B3GNT7: variants seen among roughly 807,000 people sequenced by gnomAD.
B3GNT7 encodes UDP-GlcNAc:betaGal beta-1,3-N-acetylglucosaminyltransferase 7, also known as BGnT-7.
A neutral mutation model predicts 5.1 loss-of-function variants in B3GNT7; 9 were observed. The observed-to-expected ratio is 1.77, with a 90% CI of 1.07 to 3.09. B3GNT7 has a LOEUF of 3.09. B3GNT7 is among the 30% of genes most tolerant of loss of function. B3GNT7 has a pLI of 0.00. For missense variants in B3GNT7, 468 were observed against 550.8 expected (o/e 0.85, Z 1.50); for synonymous variants, 253 against 248.6 (o/e 1.02, Z -0.17).
rs376356258 is a variant in B3GNT7, at chr2:231,398,709, G to A, written c.990G>A (p.Leu330=). ...TCTACCCGATCGACGACGTCTTTCT[G>A]GGCATGTGCCTGGAGGTGCTGGGCG... is the stretch of plus-strand genomic sequence containing the variant. ...LELYPIDDVF[L]GMCLEVLGVQ... Residue 330 remains leucine, a synonymous_variant, in exon 2 of 2, where the codon CTG becomes CTA. Coordinates refer to ENST00000287590, the MANE Select transcript of B3GNT7 (RefSeq NM_145236.3). 3.2e-5 allele frequency: 52 copies of A among 1,611,668 alleles called. No individual in the cohort carries two copies. Among genetic ancestry groups the A allele is most frequent in the African/African-American group, 5.3e-5 (4 of 74,940 alleles).
chr2:231,395,894 G>T lies in B3GNT7; in HGVS notation c.11+80G>T. The T allele has an allele frequency of 1.0e-6, 1 of 999,490 alleles. No individual in the cohort carries two copies. The highest frequency in any genetic ancestry group is 1.7e-5 in the African/African-American group (1 of 57,684). 61.9% of individuals were successfully genotyped at this position (999,490 alleles called of 1,614,324 possible). The stretch of plus-strand genomic sequence containing the variant: ...CCCCCTCCTCCGTGGCCACAGACGG[G>T]CGCCGGGACTCCCGGGATAGGAGAT... On this transcript the variant is annotated intron_variant, in intron 1 of 1. Transcript: ENST00000287590. This position sits in a 1 kb window ranked among gnomAD's most constrained non-coding sequence, Gnocchi z 7.3.
Position 231,397,371 on chromosome 2 carries a change from C to T in B3GNT7, c.12-360C>T, listed in dbSNP as rs2046524010. ...TGAGGCCCTCCTGTTAAGGTGACAG[C>T]ATTCCCCTAACTGTGCACCCGCTGC... On this transcript the variant is annotated intron_variant, in intron 1 of 1. Coordinates refer to ENST00000287590, the MANE Select transcript of B3GNT7 (RefSeq NM_145236.3). The T allele has an allele frequency of 9.6e-6, 5 of 518,606 alleles. No homozygotes were observed. In the South Asian group the frequency reaches 4.0e-4, roughly 42 times the overall value. The allele number at this position is 518,606 out of a possible 1,614,324, so 32.1% of individuals were successfully genotyped here.
intron 1 of B3GNT7, among the ~76,000 whole-genome samples, chr2:231,396,571 G>C (rs2046516344): frequency 6.6e-6 from 1 of 152,236 alleles, no homozygotes; most frequent in African/African-American, 2.4e-5. Context: ...GCCTGGACCT[G>C]CAACCGGACC....
At position 231,398,811 on chromosome 2, in the gene B3GNT7, G is replaced by A. The variant is rs768254739; in HGVS notation, c.1092G>A (p.Pro364=). 9.3e-6 allele frequency: 15 copies of A among 1,605,044 alleles called. No homozygotes were observed. Among genetic ancestry groups the A allele is most frequent in the African/African-American group, 1.3e-5 (1 of 74,944 alleles). ...RNRNSRMNKE[P]CFFRAMLVVH... is the part of the protein sequence containing the mutation. ...GCAACAGCCGCATGAACAAGGAGCC[G>A]TGCTTTTTCCGCGCCATGCTCGTGG... Residue 364 remains proline, a synonymous_variant, in exon 2 of 2, where the codon CCG becomes CCA. Transcript: ENST00000287590.
At position 231,398,743 on chromosome 2, in the gene B3GNT7, ACGGC is replaced by A; in HGVS notation, c.1026_1029del (p.Ala343ThrfsTer17). 2 of 1,610,582 alleles carry A rather than the reference ACGGC, an allele frequency of 1.2e-6. No homozygotes were observed. The highest frequency in any genetic ancestry group is 1.7e-6 in the Non-Finnish European group (2 of 1,179,844). ...CCTGGAGGTGCTGGGCGTGCAGCCC[ACGGC>A]CCACGAGGGCTTCAAGACTTTCGGC... On this transcript the variant is annotated frameshift_variant, in exon 2 of 2. Transcript: ENST00000287590. LOFTEE classifies it high-confidence loss of function.
rs753518546 is a variant in B3GNT7 at position 231,398,550 on chromosome 2, G to T, written c.831G>T (p.Arg277Ser). The T allele has an allele frequency of 3.7e-6, 6 of 1,613,288 alleles. 1 individual carries two copies. The African/African-American group carries it at 8.0e-5, about 22-fold the overall frequency. The change falls in exon 2 of 2, where the codon AGG (arginine) becomes AGT (serine). Residue 277 changes from arginine (R) to serine (S), a missense_variant. Physicochemically the swap from Arg to Ser is moderately radical, Grantham distance 110. Transcript: ENST00000287590. ...TGCAGCACGCTCGGCCCATTCGCAGGAAAGACAACAAATACTACATCCCGG... is the reference window on the plus strand; with the variant it reads ...TGCAGCACGCTCGGCCCATTCGCAGTAAAGACAACAAATACTACATCCCGG... Reference protein sequence around the residue: ...DVLQHARPIRRKDNKYYIPGA... With the variant: ...DVLQHARPIRSKDNKYYIPGA...
chr2:231,396,253 G>C (rs2046513080), intron 1 of B3GNT7, among the ~76,000 whole-genome samples: 1 of 152,100 alleles, frequency 6.6e-6, no homozygotes, highest in African/African-American at 2.4e-5. Flanking sequence ...CGCCCCTCCC[G>C]GGCTTTCCCT....
intron 1 of B3GNT7, among the ~76,000 whole-genome samples, chr2:231,396,302 C>A (rs1418471113): frequency 6.6e-6 from 1 of 152,124 alleles, no homozygotes; most frequent in East Asian, 1.9e-4. Flanking sequence ...CGCCCGCAGC[C>A]CAGGGCCTCG....
chr2:231,398,877 G>C lies in B3GNT7; in HGVS notation c.1158G>C (p.Gly386=). The C allele has an allele frequency of 6.3e-7, 1 of 1,596,232 alleles. No homozygotes were observed. Among genetic ancestry groups the C allele is most frequent in the South Asian group, 1.1e-5 (1 of 90,406 alleles). The change falls in exon 2 of 2, where the codon GGG becomes GGC. Residue 386 remains glycine, a synonymous_variant. Transcript: ENST00000287590. ...CCCCTGAGCTGCTCGCCATGTGGGG[G>C]CTGGTGCACAGCAATCTCACCTGCT... ...LLPPELLAMW[G]LVHSNLTCSR...
rs2046506926 is a variant in B3GNT7, at chr2:231,395,757, C to T, written c.-47C>T. ...TCCCGCCGGCCCGAGCCGTGGCGCCCAGAGCTGCGAGCCGCTCGCCCCTCC... is the reference window on the plus strand; with the variant it reads ...TCCCGCCGGCCCGAGCCGTGGCGCCTAGAGCTGCGAGCCGCTCGCCCCTCC... On this transcript the variant is annotated 5_prime_UTR_variant, in exon 1 of 2. Transcript: ENST00000287590. This position sits in a 1 kb window ranked among gnomAD's most constrained non-coding sequence, Gnocchi z 7.3. 6.0e-6 allele frequency: 7 copies of T among 1,170,628 alleles called. No homozygotes were observed. The highest frequency in any genetic ancestry group is 1.6e-5 in the African/African-American group (1 of 61,692). The allele number at this position is 1,170,628 out of a possible 1,614,324, so 72.5% of individuals were successfully genotyped here.
Position 231,400,329 on chromosome 2 carries a change from A to G in B3GNT7, c.*1404A>G, listed in dbSNP as rs761108367. The stretch of plus-strand genomic sequence containing the variant: ...AAACCTGGGAGCTAGCAATGCACCC[A>G]GCCCTTGACTGTGCCCTGGTGGACA... On this transcript the variant is annotated 3_prime_UTR_variant, in exon 2 of 2. Transcript: ENST00000287590. 6.6e-6 allele frequency: 1 copy of G among 152,196 alleles called. No homozygotes were observed. Among genetic ancestry groups the G allele is most frequent in the South Asian group, 2.1e-4 (1 of 4,830 alleles). The allele number at this position is 152,196 out of a possible 1,614,324, so 9.4% of individuals were successfully genotyped here.
In B3GNT7 at chr2:231,395,787, C is replaced by A. The variant is rs1373930742; in HGVS notation, c.-17C>A. The A allele has an allele frequency of 2.6e-6, 3 of 1,171,980 alleles. No individual in the cohort carries two copies. Among genetic ancestry groups the A allele is most frequent in the Non-Finnish European group, 3.2e-6 (3 of 950,382 alleles). The allele number at this position is 1,171,980 out of a possible 1,614,324, so 72.6% of individuals were successfully genotyped here. A position where few individuals can be genotyped will look rare whatever the true frequency, so the allele number is the denominator to read the frequency against. ...CTGCGAGCCGCTCGCCCCTCCGCCG[C>A]TCCGGCCCGGGCCGCCATGTCGCTG... On this transcript the variant is annotated 5_prime_UTR_variant, in exon 1 of 2. Transcript: ENST00000287590. This position sits in a 1 kb window ranked among gnomAD's most constrained non-coding sequence, Gnocchi z 7.3.
Position 231,398,322 on chromosome 2 carries a change from C to A in B3GNT7, c.603C>A (p.Gly201=). Residue 201 remains glycine, a synonymous_variant, in exon 2 of 2, where the codon GGC becomes GGA. Transcript: ENST00000287590. ...TGGCCTACGAAGACCGCCTCTACGG[C>A]GACATCCTGCAGTGGGGCTTTCTCG... ...QLLAYEDRLY[G]DILQWGFLDT... 1 of 1,613,444 alleles carries A rather than the reference C, an allele frequency of 6.2e-7. No individual in the cohort carries two copies.
At position 231,395,767 on chromosome 2, in the gene B3GNT7, A is replaced by C; in HGVS notation, c.-37A>C. ...CCGAGCCGTGGCGCCCAGAGCTGCG[A>C]GCCGCTCGCCCCTCCGCCGCTCCGG... On this transcript the variant is annotated 5_prime_UTR_variant, in exon 1 of 2. Transcript: ENST00000287590. The surrounding 1 kb of genome is among the most constrained non-coding windows in gnomAD (Gnocchi z 7.3). 1 of 1,170,132 alleles carries C rather than the reference A, an allele frequency of 8.5e-7. No homozygotes were observed. The highest frequency in any genetic ancestry group is 1.1e-6 in the Non-Finnish European group (1 of 949,054). 72.5% of individuals were successfully genotyped at this position (1,170,132 alleles called of 1,614,324 possible).
chr2:231,397,449 G>A (rs2046524685), intron 1 of B3GNT7, among the ~76,000 whole-genome samples: 1 of 152,188 alleles, frequency 6.6e-6, no homozygotes, highest in Non-Finnish European at 1.5e-5. Flanking sequence ...TTTGGGGGAA[G>A]AAGAAATCGT....
In B3GNT7 at chr2:231,397,939, A is replaced by T; in HGVS notation, c.220A>T (p.Met74Leu). ...GAAAGATGTGGCTGCGCCCACGCCC[A>T]TGGCCTCTCAGGGGCCCCAGGCCTG... ...NPKDVAAPTP[M>L]ASQGPQAWDV... is the part of the protein sequence containing the mutation. Residue 74 changes from methionine (M) to leucine (L), a missense_variant, in exon 2 of 2, where the codon ATG (methionine) becomes TTG (leucine). Transcript: ENST00000287590. 1 of 1,613,176 alleles carries T rather than the reference A, an allele frequency of 6.2e-7. No individual in the cohort carries two copies. The highest frequency in any genetic ancestry group is 1.1e-5 in the South Asian group (1 of 91,086).
At position 231,398,755 on chromosome 2, in the gene B3GNT7, G is replaced by T; in HGVS notation, c.1036G>T (p.Gly346Cys). The change falls in exon 2 of 2, where the codon GGC becomes TGC. Residue 346 changes from glycine to cysteine, a missense_variant. Gly to Cys is a radical substitution (Grantham distance 159). Transcript: ENST00000287590. ...VLGVQPTAHEGFKTFGISRNR... is the reference protein window; with the variant it reads ...VLGVQPTAHECFKTFGISRNR... ...GGGCGTGCAGCCCACGGCCCACGAGGGCTTCAAGACTTTCGGCATCTCCCG... is the reference window on the plus strand; with the variant it reads ...GGGCGTGCAGCCCACGGCCCACGAGTGCTTCAAGACTTTCGGCATCTCCCG... 6.2e-7 allele frequency: 1 copy of T among 1,609,904 alleles called. No individual in the cohort carries two copies.
chr2:231,397,991 C>A lies in B3GNT7; in HGVS notation c.272C>A (p.Ala91Asp). ...GACGTGACCACCACTAACTGCTCAG[C>A]CAATATCAACTTGACCCACCAGCCC... The part of the protein sequence containing the change: ...AWDVTTTNCS[A>D]NINLTHQPWF... The change falls in exon 2 of 2, where the codon GCC (alanine) becomes GAC (aspartate). Residue 91 changes from alanine (A) to aspartate (D), a missense_variant. Ala to Asp is a moderately radical substitution (Grantham distance 126). Transcript: ENST00000287590. 1.9e-6 allele frequency: 3 copies of A among 1,611,394 alleles called. No homozygotes were observed. The highest frequency in any genetic ancestry group is 2.5e-6 in the Non-Finnish European group (3 of 1,179,882).
At position 231,397,936 on chromosome 2, in the gene B3GNT7, C is replaced by A. The variant is rs754749746; in HGVS notation, c.217C>A (p.Pro73Thr). ...KNPKDVAAPT[P>T]MASQGPQAWD... is the part of the protein sequence containing the mutation. ...CCCGAAAGATGTGGCTGCGCCCACG[C>A]CCATGGCCTCTCAGGGGCCCCAGGC... Residue 73 changes from proline to threonine, a missense_variant, in exon 2 of 2, where the codon CCC becomes ACC. Transcript: ENST00000287590. 6 of 1,613,152 alleles carry A rather than the reference C, an allele frequency of 3.7e-6. No individual in the cohort carries two copies. In the Admixed American group the frequency reaches 5.0e-5, roughly 13 times the overall value.
Sources: gnomAD v4.1 joint callset for allele counts (sites outside exome capture counted in the v4.1 genomes callset) on GRCh38, gnomAD v4.1.1 for gene constraint, Gnocchi (gnomAD v3.1) non-coding constraint, MANE v1.5 for transcripts, NCBI Gene and HGNC (gene_info 2026-07-23, HGNC 2026-07-21) for gene names.